The following DOCK8 variants were observed in gnomAD, a reference collection of about 807,000 sequenced individuals.
The protein encoded by DOCK8 is dedicator of cytokinesis 8.
In DOCK8, 141 loss-of-function variants were observed where a neutral mutation model predicts 245.6. The ratio of observed to expected loss-of-function variants is 0.57; its 90% CI spans 0.50 to 0.66. DOCK8 has a LOEUF of 0.66. Ranked by LOEUF, DOCK8 falls within the 30% of genes least tolerant of loss-of-function variation. DOCK8 has a pLI of 0.00. For synonymous variants in DOCK8, 1,168 were observed against 970.2 expected (o/e 1.20, Z -3.79); for missense variants, 2,965 against 2,603.4 (o/e 1.14, Z -3.02).
intron 1 of DOCK8, among the ~76,000 whole-genome samples, chr9:238,464 AAGTAAAATAAACTGGAAAT>A (rs1310616780): frequency 1.8e-4 from 27 of 152,358 alleles, no homozygotes; most frequent in Admixed American, 4.6e-4. Flanking sequence ...AACATGGACA[AAGTAAAATAAACTGGAAAT>A]AGGAGATGGA....
intron 5 of DOCK8, among the ~76,000 whole-genome samples, chr9:308,008 A>G (rs1159234731): frequency 6.6e-6 from 1 of 152,200 alleles, no homozygotes; most frequent in African/African-American, 2.4e-5. Flanking sequence ...AAATAAGTTG[A>G]TCTCATAGAA....
At chr9:408,393 G>A (rs1041369655) in intron 28 of DOCK8, among the ~76,000 whole-genome samples, 1 of 152,194 alleles carries the variant, frequency 6.6e-6, no homozygotes, top group African/African-American at 2.4e-5. Context: ...CCTCCTTCCA[G>A]ATAAACTGGC....
intron 5 of DOCK8, among the ~76,000 whole-genome samples, chr9:305,512 C>A (rs910812423): frequency 6.6e-6 from 1 of 152,166 alleles, no homozygotes; most frequent in African/African-American, 2.4e-5. Flanking sequence ...GTCCTGATCT[C>A]CTGACCTTGT....
At chr9:297,351 C>G (rs913893219) in intron 4 of DOCK8, among the ~76,000 whole-genome samples, 2 of 152,186 alleles carry the variant, frequency 1.3e-5, no homozygotes, top group African/African-American at 2.4e-5. Flanking sequence ...CTGGATTCTG[C>G]TGGCTGCACC....
intron 26 of DOCK8, among the ~76,000 whole-genome samples, chr9:400,940 A>AT (rs2055011424): frequency 1.8e-5 from 1 of 55,708 alleles, no homozygotes; most frequent in African/African-American, 3.8e-4. Flanking sequence ...AACATCCACC[A>AT]CCACCATCAC....
At chr9:280,240 CT>C (rs1214492950) in intron 2 of DOCK8, among the ~76,000 whole-genome samples, 1 of 151,962 alleles carries the variant, frequency 6.6e-6, no homozygotes, top group Non-Finnish European at 1.5e-5. Context: ...GACCAGAAGT[CT>C]GAAAAAAACA....
rs2131714572 is a variant in DOCK8 at position 429,720 on chromosome 9, G to A, written c.4492G>A (p.Glu1498Lys). ...CTCCTAGTTTGGAGACTTACTCTTTGAAGAGGAGGTGGAACAGTGTTTCGA... is the reference window on the plus strand; with the variant it reads ...CTCCTAGTTTGGAGACTTACTCTTTAAAGAGGAGGTGGAACAGTGTTTCGA... Reference protein sequence around the residue: ...LIAKFGDLLFEEEVEQCFDLC... With the variant: ...LIAKFGDLLFKEEVEQCFDLC... The change falls in exon 36 of 48, where the codon GAA becomes AAA. Residue 1498 changes from glutamate (E) to lysine (K), a missense_variant. This residue lies in a region of DOCK8 where 2,825 missense variants were observed against 2,453.5 expected (regional missense o/e 1.15). Transcript: ENST00000432829. The A allele has an allele frequency of 1.2e-6, 2 of 1,614,060 alleles. No homozygotes were observed. Among genetic ancestry groups the A allele is most frequent in the Non-Finnish European group, 8.5e-7 (1 of 1,180,024 alleles).
intron 1 of DOCK8, among the ~76,000 whole-genome samples, chr9:249,870 C>G (rs2047607688): frequency 6.6e-6 from 1 of 151,942 alleles, no homozygotes; most frequent in Admixed American, 6.6e-5. Flanking sequence ...TCAAGCGACG[C>G]CCCCGCCTCG....
chr9:399,996 C>G (rs1189595651), intron 26 of DOCK8, among the ~76,000 whole-genome samples: 1 of 91,538 alleles, frequency 1.1e-5, no homozygotes, highest in Non-Finnish European at 2.2e-5. Context: ...CTCCCACCAC[C>G]TCCACCACCT....
chr9:224,414 T>C (rs1398838591), intron 1 of DOCK8, among the ~76,000 whole-genome samples: 2 of 152,180 alleles, frequency 1.3e-5, no homozygotes, highest in Non-Finnish European at 2.9e-5. Flanking sequence ...AAGGAGAGTA[T>C]GCACATTAGC....
At chr9:411,724 A>G (rs1292392485) in intron 28 of DOCK8, among the ~76,000 whole-genome samples, 1 of 152,148 alleles carries the variant, frequency 6.6e-6, no homozygotes, top group Non-Finnish European at 1.5e-5. Flanking sequence ...AACAGCATAT[A>G]AAAAGGATTA....
chr9:308,898 C>T (rs111753495), intron 5 of DOCK8, among the ~76,000 whole-genome samples: 1 of 152,186 alleles, frequency 6.6e-6, no homozygotes, highest in Non-Finnish European at 1.5e-5. Flanking sequence ...ACCTCATGAT[C>T]CCCCGGCCTT....
rs777232041 is a variant in DOCK8 at position 350,555 on chromosome 9, A to G, written c.1679+10234A>G. ...AGATAGTCTTACTAGGGAGAGATAA[A>G]GGGCAGGGGTTTGGTTTTCTGGCAG... On this transcript the variant is annotated intron_variant, in intron 14 of 47. Transcript: ENST00000432829. 1.1e-4 allele frequency among the ~76,000 whole-genome samples: 16 copies of G among 152,290 alleles called. No homozygotes were observed. In the Middle Eastern group the frequency reaches 0.01, roughly 97 times the overall value.
chr9:317,395 G>A (rs944698039), intron 7 of DOCK8, among the ~76,000 whole-genome samples: 2 of 152,154 alleles, frequency 1.3e-5, no homozygotes, highest in Non-Finnish European at 2.9e-5. Context: ...TGAGTGAAAT[G>A]ACCTACATTA....
chr9:413,005 A>C (rs945809413), intron 28 of DOCK8, among the ~76,000 whole-genome samples: 2 of 152,152 alleles, frequency 1.3e-5, no homozygotes, highest in Non-Finnish European at 2.9e-5. Context: ...TCCCAATTTC[A>C]AAACTTACTA....
chr9:400,667 AGCATCT>A (rs1271356871), intron 26 of DOCK8, among the ~76,000 whole-genome samples: 1 of 93,142 alleles, frequency 1.1e-5, no homozygotes, highest in Admixed American at 1.1e-4. Flanking sequence ...CACCACCACC[AGCATCT>A]TCACCATCAC....
intron 33 of DOCK8, among the ~76,000 whole-genome samples, chr9:426,029 C>T (rs903230265): frequency 2.0e-5 from 3 of 152,046 alleles, no homozygotes; most frequent in Admixed American, 1.3e-4. Context: ...TACCCCAACC[C>T]CATGGTAACA....
At chr9:369,447 G>C (rs1339318398) in intron 15 of DOCK8, 1 of 152,364 alleles carries the variant, frequency 6.6e-6, no homozygotes, top group East Asian at 1.9e-4. Context: ...TCTGCACAAA[G>C]GTGAGTGCAC....
chr9:397,549 G>C (rs2054521451), intron 25 of DOCK8, among the ~76,000 whole-genome samples: 1 of 151,424 alleles, frequency 6.6e-6, no homozygotes, highest in Non-Finnish European at 1.5e-5. Context: ...AATTAGCCGG[G>C]TGTAGTGGCA....
Sources: allele counts gnomAD v4.1 joint callset (sites outside exome capture counted in the v4.1 genomes callset), GRCh38; gene constraint gnomAD v4.1.1; regional missense constraint gnomAD v4.1.1; transcripts MANE v1.5; gene names NCBI Gene and HGNC (gene_info 2026-07-23, HGNC 2026-07-21).